GPATCH1: variants seen among roughly 807,000 people sequenced by gnomAD.
The protein encoded by GPATCH1 is G patch domain-containing protein 1.
GPATCH1 carries 73 observed loss-of-function variants against 114.9 expected under a neutral mutation model. The ratio of observed to expected loss-of-function variants is 0.64; its 90% CI spans 0.53 to 0.77. The LOEUF is 0.77. Among genes scored for constraint, GPATCH1 ranks in the 30% least tolerant of loss-of-function variants. The pLI is 0.00. For missense variants in GPATCH1, 1,058 were observed against 1,144.3 expected, an observed-to-expected ratio of 0.92 and a Z score of 1.09; for synonymous variants, 391 against 428.4, an observed-to-expected ratio of 0.91 and a Z score of 1.08.
At chr19:33,122,502 T>C (rs1457711335) in intron 17 of GPATCH1, among the ~76,000 whole-genome samples, 1 of 151,982 alleles carries the variant, frequency 6.6e-6, no homozygotes, top group Non-Finnish European at 1.5e-5. Context: ...TTTTTTTATT[T>C]TTAGTAGAGA....
At position 33,088,105 on chromosome 19, in the gene GPATCH1, TA is replaced by T. The variant is rs780735063; in HGVS notation, c.74-23del. 3.8e-4 allele frequency: 537 copies of T among 1,397,974 alleles called. 1 individual carries two copies. The highest frequency in any genetic ancestry group is 5.7e-4 in the Admixed American group (21 of 36,710). 86.6% of individuals were successfully genotyped at this position (1,397,974 alleles called of 1,614,324 possible). On this transcript the variant is annotated intron_variant, in intron 1 of 19. Coordinates refer to ENST00000170564, the MANE Select transcript of GPATCH1 (RefSeq NM_018025.3). ...CCGACCATCTCCTCTCTTTTTCATTTAAAAAACTTTTTTTTTTTTTTTTTTT... is the reference window on the plus strand; with the variant it reads ...CCGACCATCTCCTCTCTTTTTCATTTAAAAACTTTTTTTTTTTTTTTTTTT...
At chr19:33,129,212 A>T (rs1973076315) in intron 19 of GPATCH1, among the ~76,000 whole-genome samples, 1 of 150,882 alleles carries the variant, frequency 6.6e-6, no homozygotes, top group Admixed American at 6.6e-5. Flanking sequence ...GCGCCACTGT[A>T]CTCCAGCCTG....
intron 9 of GPATCH1, among the ~76,000 whole-genome samples, chr19:33,104,809 T>C (rs1251808372): frequency 6.6e-6 from 1 of 152,052 alleles, no homozygotes; most frequent in Non-Finnish European, 1.5e-5. Context: ...ATCTAGAGAA[T>C]ATTTCAGTGT....
At chr19:33,084,583 C>G (rs1231341761) in intron 1 of GPATCH1, among the ~76,000 whole-genome samples, 1 of 152,048 alleles carries the variant, frequency 6.6e-6, no homozygotes, top group African/African-American at 2.4e-5. Context: ...GTCCGCCTTT[C>G]TGGTTCCATC....
intron 11 of GPATCH1, among the ~76,000 whole-genome samples, chr19:33,110,803 A>G (rs917994980): frequency 1.3e-4 from 20 of 151,942 alleles, no homozygotes; most frequent in Admixed American, 5.2e-4. Flanking sequence ...TTTCTCTGTT[A>G]TGTTTGGTAG....
chr19:33,121,993 T>C (rs1972989708), intron 17 of GPATCH1, among the ~76,000 whole-genome samples: 1 of 152,198 alleles, frequency 6.6e-6, no homozygotes, highest in Non-Finnish European at 1.5e-5. Flanking sequence ...TATTTCTTAT[T>C]TGCTATAGTT....
chr19:33,101,668 T>C (rs1480783993), intron 9 of GPATCH1, 94 bp downstream of exon 9: 1 of 670,494 alleles, frequency 1.5e-6, no homozygotes. Flanking sequence ...ACAGGAAAGA[T>C]AAGTAAATTC....
At chr19:33,111,002 A>C (rs1335703134) in intron 11 of GPATCH1, among the ~76,000 whole-genome samples, 1 of 148,798 alleles carries the variant, frequency 6.7e-6, no homozygotes, top group African/African-American at 2.4e-5. Flanking sequence ...TATTATATAT[A>C]TATATACACA....
intron 11 of GPATCH1, among the ~76,000 whole-genome samples, chr19:33,110,996 A>T (rs7255968): frequency 0.41 from 60,806 of 147,340 alleles, 15,680 homozygotes; most frequent in African/African-American, 0.72. Flanking sequence ...AAAATATATT[A>T]TATATATATA....
intron 19 of GPATCH1, among the ~76,000 whole-genome samples, chr19:33,128,947 T>C (rs1020453611): frequency 6.6e-6 from 1 of 152,104 alleles, no homozygotes; most frequent in African/African-American, 2.4e-5. Context: ...CATTCCTATA[T>C]GTATGAAATT....
chr19:33,083,273 G>C (rs940232621), intron 1 of GPATCH1, among the ~76,000 whole-genome samples: 1 of 150,150 alleles, frequency 6.7e-6, no homozygotes, highest in Admixed American at 6.7e-5. Flanking sequence ...ATAGAGATGG[G>C]ATCCTTCTAT....
At chr19:33,126,086 A>G (rs1973037506) in intron 18 of GPATCH1, among the ~76,000 whole-genome samples, 1 of 152,170 alleles carries the variant, frequency 6.6e-6, no homozygotes, top group Non-Finnish European at 1.5e-5. Flanking sequence ...ATGGCGGATG[A>G]CGGGCGTTCC....
At chr19:33,099,296 A>G (rs1972697868) in intron 8 of GPATCH1, among the ~76,000 whole-genome samples, 1 of 151,650 alleles carries the variant, frequency 6.6e-6, no homozygotes, top group Admixed American at 6.6e-5. Context: ...TATACAACAT[A>G]TTAATAACAA....
chr19:33,106,734 G>T lies in GPATCH1; in HGVS notation c.1120G>T (p.Val374Leu). The change falls in exon 10 of 20, where the codon GTG becomes TTG. Residue 374 changes from valine to leucine, a missense_variant. Physicochemically the swap from Val to Leu is conservative, Grantham distance 32. Around this residue, in one of 3 missense-constraint regions of GPATCH1, gnomAD observed 893 missense variants for 977.4 expected, o/e 0.91. Coordinates refer to ENST00000170564, the MANE Select transcript of GPATCH1 (RefSeq NM_018025.3). ...AGAGCTGCCAAGAGACTATCGACCAGTGCATTATTTCAGACCCATGGTGGC... is the reference window on the plus strand; with the variant it reads ...AGAGCTGCCAAGAGACTATCGACCATTGCATTATTTCAGACCCATGGTGGC... The part of the protein sequence containing the change: ...PPELPRDYRP[V>L]HYFRPMVAAT... 6.2e-7 allele frequency: 1 copy of T among 1,613,950 alleles called. No homozygotes were observed. Among genetic ancestry groups the T allele is most frequent in the Non-Finnish European group, 8.5e-7 (1 of 1,179,984 alleles).
In GPATCH1 at chr19:33,093,398, A is replaced by C. The variant is rs1209302564; in HGVS notation, c.334A>C (p.Thr112Pro). Reference protein sequence around the residue: ...EFGIAPKAIVTTDDFASKTKD... With the variant: ...EFGIAPKAIVPTDDFASKTKD... Reference sequence around the variant, plus strand: ...TGGGATAGCACCTAAAGCGATTGTCACCACAGACGATTTTGCCTCCAAAAC... The same window carrying C: ...TGGGATAGCACCTAAAGCGATTGTCCCCACAGACGATTTTGCCTCCAAAAC... The change falls in exon 4 of 20, where the codon ACC becomes CCC. Residue 112 changes from threonine (T) to proline (P), a missense_variant. Thr to Pro is a conservative substitution (Grantham distance 38). This residue lies in a region of GPATCH1 where 34 missense variants were observed against 59.6 expected (regional missense o/e 0.57). Coordinates refer to ENST00000170564, the MANE Select transcript of GPATCH1 (RefSeq NM_018025.3). 1.2e-6 allele frequency: 2 copies of C among 1,613,372 alleles called. No individual in the cohort carries two copies. The highest frequency in any genetic ancestry group is 2.7e-5 in the African/African-American group (2 of 74,876).
At chr19:33,088,340 T>G (rs2145301972) in intron 2 of GPATCH1, 72 bp downstream of exon 2, 1 of 1,155,260 alleles carries the variant, frequency 8.7e-7, no homozygotes, top group East Asian at 2.5e-5. Context: ...CCCTCACCCT[T>G]GCTTTTTTTT....
chr19:33,112,688 A>C (rs903037927), intron 13 of GPATCH1, 75 bp downstream of exon 13: 15 of 1,156,214 alleles, frequency 1.3e-5, no homozygotes, highest in Admixed American at 7.1e-5. Context: ...TTACATACTC[A>C]TATAAATTCT....
intron 3 of GPATCH1, among the ~76,000 whole-genome samples, chr19:33,093,012 A>G (rs997749980): frequency 2.6e-5 from 4 of 152,034 alleles, no homozygotes; most frequent in Admixed American, 1.3e-4. Flanking sequence ...AACATAGTGA[A>G]ACCCCATCTA....
intron 9 of GPATCH1, among the ~76,000 whole-genome samples, chr19:33,102,855 C>A (rs558137194): frequency 6.6e-6 from 1 of 152,348 alleles, no homozygotes; most frequent in East Asian, 1.9e-4. Flanking sequence ...TGGTTCCTCC[C>A]CATGCTCTGA....
Sources: gnomAD v4.1 joint callset for allele counts (sites outside exome capture counted in the v4.1 genomes callset) on GRCh38, gnomAD v4.1.1 for gene constraint, gnomAD v4.1.1 regional missense constraint, MANE v1.5 for transcripts, NCBI Gene and HGNC (gene_info 2026-07-23, HGNC 2026-07-21) for gene names.